The following USP40 variants were observed in gnomAD, a reference collection of about 807,000 sequenced individuals.
The protein encoded by USP40 is ubiquitin carboxyl-terminal hydrolase 40.
In USP40, 143 loss-of-function variants were observed where a neutral mutation model predicts 166.2. The observed-to-expected ratio is 0.86, with a 90% CI of 0.75 to 0.99. USP40 has a LOEUF of 0.99. Ranked by LOEUF, USP40 falls within the 50% of genes least tolerant of loss-of-function variation. The pLI is 0.00. For missense variants in USP40, 1,444 were observed against 1,479.7 expected (o/e 0.98, Z 0.40); for synonymous variants, 498 against 524.0 (o/e 0.95, Z 0.68).
chr2:233,509,984 A>G, intron 21 of USP40, 65 bp downstream of exon 21: 1 of 1,277,686 alleles, frequency 7.8e-7, no homozygotes, highest in Admixed American at 2.0e-5. Context: ...ACAGGATACC[A>G]CTGTTCCTCA....
At chr2:233,505,229 G>C (rs1002495531) in intron 21 of USP40, among the ~76,000 whole-genome samples, 5 of 151,898 alleles carry the variant, frequency 3.3e-5, no homozygotes, top group Admixed American at 6.6e-5. Context: ...TAGATGCCTA[G>C]ATCAAAAATG....
intron 7 of USP40, among the ~76,000 whole-genome samples, chr2:233,550,154 A>C (rs968006396): frequency 1.3e-5 from 2 of 152,096 alleles, no homozygotes; most frequent in African/African-American, 4.8e-5. Context: ...TTATTTTAAT[A>C]ATTTATTTGC....
intron 18 of USP40, among the ~76,000 whole-genome samples, chr2:233,516,314 C>T (rs2067192323): frequency 6.6e-6 from 1 of 151,998 alleles, no homozygotes; most frequent in Admixed American, 6.6e-5. Context: ...GTAGAGTCAG[C>T]TTGTCAATTT....
intron 21 of USP40, among the ~76,000 whole-genome samples, chr2:233,508,510 A>C (rs1419686438): frequency 6.6e-6 from 1 of 152,204 alleles, no homozygotes; most frequent in Non-Finnish European, 1.5e-5. Flanking sequence ...ATTCAGATTC[A>C]GGTCCAGTTG....
chr2:233,483,721 T>C (rs1234995983), intron 30 of USP40, among the ~76,000 whole-genome samples: 2 of 152,088 alleles, frequency 1.3e-5, no homozygotes, highest in Admixed American at 6.6e-5. Context: ...AATTTTTGGA[T>C]TAGGGAGGCT....
chr2:233,523,046 C>A, intron 16 of USP40, 124 bp downstream of exon 16: 1 of 1,093,044 alleles, frequency 9.1e-7, no homozygotes, highest in Admixed American at 2.6e-5. Flanking sequence ...ATATTTAGAA[C>A]ATAATGTCTA....
intron 17 of USP40, 60 bp downstream of exon 17, chr2:233,520,931 C>T: frequency 6.4e-7 from 1 of 1,553,136 alleles, no homozygotes; most frequent in Non-Finnish European, 8.7e-7. Flanking sequence ...GTATTGTTTT[C>T]TAAATAAAAT....
chr2:233,548,829 T>C (rs999356564), intron 8 of USP40, among the ~76,000 whole-genome samples: 1 of 152,154 alleles, frequency 6.6e-6, no homozygotes, highest in Non-Finnish European at 1.5e-5. Flanking sequence ...TGTCTGTGTA[T>C]GCACATGCAC....
At position 233,527,529 on chromosome 2, in the gene USP40, C is replaced by A. The variant is rs1171395594; in HGVS notation, c.1603G>T (p.Gly535Cys). 1 of 1,612,756 alleles carries A rather than the reference C, an allele frequency of 6.2e-7. No individual in the cohort carries two copies. The highest frequency in any genetic ancestry group is 8.5e-7 in the Non-Finnish European group (1 of 1,179,514). Residue 535 changes from glycine (G) to cysteine (C), a missense_variant, in exon 13 of 32, where the codon GGC becomes TGC. Coordinates refer to ENST00000678225, the MANE Select transcript of USP40 (RefSeq NM_001365479.2). ...NNTFELHLHL[G>C]PQYHFFNGAL... ...CCATTGAAGAAATGATACTGAGGGC[C>A]CAGGTGAAGATGCAATTCAAAAGTA... is the stretch of plus-strand genomic sequence containing the variant.
rs1233728625 is a variant in USP40 at position 233,521,234 on chromosome 2, TATG to T, written c.2202-123_2202-121del. On this transcript the variant is annotated intron_variant, in intron 16 of 31. Transcript: ENST00000678225. Reference sequence around the variant, plus strand: ...TGACCAAGTTCTACTGAGTCGTCTCTATGATAAGTGGGCTACCTTTGCAGGGTA... The same window carrying T: ...TGACCAAGTTCTACTGAGTCGTCTCTATAAGTGGGCTACCTTTGCAGGGTA... 151 of 1,152,164 alleles carry T rather than the reference TATG, an allele frequency of 1.3e-4. No individual in the cohort carries two copies. The East Asian group carries it at 3.8e-3, about 29-fold the overall frequency. 71.4% of individuals were successfully genotyped at this position (1,152,164 alleles called of 1,614,324 possible).
intron 8 of USP40, chr2:233,547,083 T>C (rs1559275750): frequency 6.6e-6 from 1 of 152,106 alleles, no homozygotes; most frequent in Non-Finnish European, 1.5e-5. Context: ...GCAAAAGAAA[T>C]GGAAGGCAAA....
chr2:233,529,570 G>A (rs2068326442), intron 11 of USP40, 58 bp from the exon 12 acceptor site: 3 of 1,364,480 alleles, frequency 2.2e-6, no homozygotes, highest in Non-Finnish European at 3.0e-6. Flanking sequence ...GTTGCTGGAA[G>A]AGGTAGCATG....
Position 233,519,737 on chromosome 2 carries a change from T to C in USP40, c.2326-66A>G, listed in dbSNP as rs910146506. The stretch of plus-strand genomic sequence containing the variant: ...TGGGAGGAGATGAAAATGAGGATTG[T>C]CACTGTGTGCATAAACAAATTATTT... On this transcript the variant is annotated intron_variant, in intron 17 of 31. Coordinates refer to ENST00000678225, the MANE Select transcript of USP40 (RefSeq NM_001365479.2). 89 of 890,768 alleles carry C rather than the reference T, an allele frequency of 1.0e-4. 1 individual carries two copies. The South Asian group carries it at 1.1e-3, about 11-fold the overall frequency. The allele number at this position is 890,768 out of a possible 1,614,324, so 55.2% of individuals were successfully genotyped here. A position where few individuals can be genotyped will look rare whatever the true frequency, so the allele number is the denominator to read the frequency against.
chr2:233,555,220 TAAG>T (rs1381288653), intron 5 of USP40, among the ~76,000 whole-genome samples: 1 of 152,114 alleles, frequency 6.6e-6, no homozygotes, highest in Non-Finnish European at 1.5e-5. Flanking sequence ...TAAGCTAGGA[TAAG>T]AAGGTCTTCC....
intron 6 of USP40, among the ~76,000 whole-genome samples, chr2:233,553,210 T>G (rs2070744171): frequency 6.6e-6 from 1 of 152,176 alleles, no homozygotes; most frequent in South Asian, 2.1e-4. Context: ...TATTTAGCAA[T>G]TAACTAGCAT....
chr2:233,537,809 A>T (rs1275284465), intron 10 of USP40, among the ~76,000 whole-genome samples: 2 of 152,218 alleles, frequency 1.3e-5, no homozygotes, highest in Admixed American at 6.5e-5. Flanking sequence ...AGAAATGCTA[A>T]AGGAAACTCT....
chr2:233,485,732 G>T, intron 29 of USP40, 35 bp downstream of exon 29: 1 of 1,609,246 alleles, frequency 6.2e-7, no homozygotes, highest in Non-Finnish European at 8.5e-7. Context: ...ATGCCGGTAA[G>T]CCCCAATTTC....
rs1219317071 is a variant in USP40 at position 233,494,924 on chromosome 2, A to T, written c.2791-1373T>A. Among the ~76,000 whole-genome samples the T allele has an allele frequency of 7.9e-3, 239 of 30,234 alleles. 4 individuals carry two copies. Among genetic ancestry groups the T allele is most frequent in the African/African-American group, 0.067 (229 of 3,418 alleles). The allele number at this position is 30,234 out of a possible 152,430, so 19.8% of individuals were successfully genotyped here. A position where few individuals can be genotyped will look rare whatever the true frequency, so the allele number is the denominator to read the frequency against. On this transcript the variant is annotated intron_variant, in intron 24 of 31. Transcript: ENST00000678225. ...TATACAAGCAAAATGGCATATATAT[A>T]TATATATATATATATATATATATAT...
At position 233,477,323 on chromosome 2, in the gene USP40, G is replaced by C; in HGVS notation, c.*69C>G. ...GAGGCGCCAGGCAGCCAGTCCCCAT[G>C]CCCAGGAAACCCACGTTTGTGGCAT... is the stretch of plus-strand genomic sequence containing the variant. On this transcript the variant is annotated 3_prime_UTR_variant, in exon 32 of 32. Transcript: ENST00000678225. 1 of 1,455,484 alleles carries C rather than the reference G, an allele frequency of 6.9e-7. No homozygotes were observed. Among genetic ancestry groups the C allele is most frequent in the Non-Finnish European group, 9.5e-7 (1 of 1,055,618 alleles). The allele number at this position is 1,455,484 out of a possible 1,614,324, so 90.2% of individuals were successfully genotyped here.
Sources: gnomAD v4.1 joint callset for allele counts (sites outside exome capture counted in the v4.1 genomes callset) on GRCh38, gnomAD v4.1.1 for gene constraint, MANE v1.5 for transcripts, NCBI Gene and HGNC (gene_info 2026-07-23, HGNC 2026-07-21) for gene names.